Variants in GNA14 observed in about 807,000 individuals in gnomAD.
The protein encoded by GNA14 is guanine nucleotide-binding protein subunit alpha-14.
In GNA14, 50 loss-of-function variants were observed where a neutral mutation model predicts 42.0. That is an observed-to-expected ratio of 1.19 (90% CI 0.95 to 1.51). GNA14 has a LOEUF of 1.51. GNA14 is among the 40% of genes most tolerant of loss of function. The pLI is 0.00. For synonymous variants in GNA14, 173 were observed against 163.1 expected, an observed-to-expected ratio of 1.06 and a Z score of -0.46; for missense variants, 473 against 446.2, an observed-to-expected ratio of 1.06 and a Z score of -0.54.
chr9:77,599,498 T>C (rs551831909), intron 1 of GNA14, among the ~76,000 whole-genome samples: 12 of 152,200 alleles, frequency 7.9e-5, no homozygotes, highest in Non-Finnish European at 1.6e-4. Context: ...TTCTGAGCAG[T>C]AACCTTTTTC....
At position 77,647,752 on chromosome 9, in the gene GNA14, C is replaced by A. The variant is rs1824383061; in HGVS notation, c.42G>T (p.Ser14=). 1.2e-6 allele frequency: 2 copies of A among 1,609,922 alleles called. No individual in the cohort carries two copies. The highest frequency in any genetic ancestry group is 1.3e-5 in the African/African-American group (1 of 74,904). ...CCCLSAEEKE[S]QRISAEIERQ... ...GCTCGATCTCCGCGCTGATGCGCTG[C>A]GACTCCTTCTCCTCCGCGGACAGGC... The change falls in exon 1 of 7, where the codon TCG becomes TCT. Residue 14 remains serine (S), a synonymous_variant. Coordinates refer to ENST00000341700, the MANE Select transcript of GNA14 (RefSeq NM_004297.4).
chr9:77,435,719 T>C (rs888939659), intron 2 of GNA14, among the ~76,000 whole-genome samples: 1 of 152,190 alleles, frequency 6.6e-6, no homozygotes, highest in Non-Finnish European at 1.5e-5. Flanking sequence ...AATGGGAGGC[T>C]AGCATGAGCC....
At chr9:77,611,749 G>A (rs1028802830) in intron 1 of GNA14, among the ~76,000 whole-genome samples, 3 of 152,134 alleles carry the variant, frequency 2.0e-5, no homozygotes, top group African/African-American at 7.2e-5. Context: ...TCTGCTGTTG[G>A]TGGGTTTGAG....
chr9:77,491,249 A>C (rs1053073992), intron 2 of GNA14, among the ~76,000 whole-genome samples: 4 of 152,256 alleles, frequency 2.6e-5, no homozygotes, highest in African/African-American at 9.6e-5. Flanking sequence ...TAACATGCAA[A>C]AAGGAAACAT....
chr9:77,638,782 T>G (rs1286013414), intron 1 of GNA14, among the ~76,000 whole-genome samples: 2 of 152,190 alleles, frequency 1.3e-5, no homozygotes, highest in African/African-American at 2.4e-5. Context: ...AAGAGGACAC[T>G]GCAATAACGC....
chr9:77,646,971 G>A (rs1475156715), intron 1 of GNA14, among the ~76,000 whole-genome samples: 1 of 152,202 alleles, frequency 6.6e-6, no homozygotes. Flanking sequence ...GACACACTGA[G>A]TCAAGCTGGG....
chr9:77,582,806 A>T (rs1823245435), intron 1 of GNA14, among the ~76,000 whole-genome samples: 2 of 152,148 alleles, frequency 1.3e-5, no homozygotes, highest in Non-Finnish European at 2.9e-5. Flanking sequence ...ATAGGTCTGT[A>T]TATCTGTATT....
intron 1 of GNA14, among the ~76,000 whole-genome samples, chr9:77,633,526 A>C (rs1012970929): frequency 2.6e-5 from 4 of 152,192 alleles, no homozygotes; most frequent in African/African-American, 4.8e-5. Context: ...CTAAGCAGAA[A>C]AACAACAATC....
intron 1 of GNA14, among the ~76,000 whole-genome samples, chr9:77,630,916 C>T (rs2118004692): frequency 6.6e-6 from 1 of 152,298 alleles, no homozygotes; most frequent in East Asian, 1.9e-4. Context: ...CCCACAGCAT[C>T]ATCCTATACC....
At chr9:77,578,358 G>A (rs959560220) in intron 1 of GNA14, among the ~76,000 whole-genome samples, 1 of 152,132 alleles carries the variant, frequency 6.6e-6, no homozygotes, top group African/African-American at 2.4e-5. Context: ...CTGCATCAGT[G>A]GCCCTGTGAT....
chr9:77,642,559 A>T (rs1824283841), intron 1 of GNA14, among the ~76,000 whole-genome samples: 1 of 152,148 alleles, frequency 6.6e-6, no homozygotes, highest in Admixed American at 6.5e-5. Context: ...TGAGGTCAGG[A>T]GTTTGAGACC....
At chr9:77,610,752 T>C (rs1823717279) in intron 1 of GNA14, among the ~76,000 whole-genome samples, 1 of 152,206 alleles carries the variant, frequency 6.6e-6, no homozygotes, top group Non-Finnish European at 1.5e-5. Flanking sequence ...ATTTCTGTTA[T>C]AATATTACAG....
chr9:77,518,758 G>A (rs930995091), intron 2 of GNA14, among the ~76,000 whole-genome samples: 14 of 152,158 alleles, frequency 9.2e-5, no homozygotes, highest in African/African-American at 3.1e-4. Flanking sequence ...CCCACACACA[G>A]AAGCAAATAA....
At chr9:77,603,956 CAAAAAAAAAAAA>C (rs67044542) in intron 1 of GNA14, among the ~76,000 whole-genome samples, 7 of 81,608 alleles carry the variant, frequency 8.6e-5, no homozygotes, top group Admixed American at 1.8e-4. Flanking sequence ...AAAAAAAAAA[CAAAAAAAAAAAA>C]AAAAAAAAAA....
At chr9:77,637,935 GCAAAA>G (rs2118024079) in intron 1 of GNA14, among the ~76,000 whole-genome samples, 1 of 152,244 alleles carries the variant, frequency 6.6e-6, no homozygotes, top group South Asian at 2.1e-4. Flanking sequence ...GGTTTTATAT[GCAAAA>G]GTTTATTCTG....
At chr9:77,619,185 A>C (rs1250425929) in intron 1 of GNA14, among the ~76,000 whole-genome samples, 1 of 152,014 alleles carries the variant, frequency 6.6e-6, no homozygotes, top group Non-Finnish European at 1.5e-5. Context: ...ACGTCAACCC[A>C]GCCAGGCATT....
At chr9:77,451,418 T>C (rs1437792898) in intron 2 of GNA14, among the ~76,000 whole-genome samples, 1 of 152,142 alleles carries the variant, frequency 6.6e-6, no homozygotes, top group African/African-American at 2.4e-5. Context: ...TCTAAAGCAA[T>C]CATTGTAACT....
At chr9:77,444,750 G>C (rs1348011334) in intron 2 of GNA14, among the ~76,000 whole-genome samples, 2 of 152,110 alleles carry the variant, frequency 1.3e-5, no homozygotes, top group Non-Finnish European at 2.9e-5. Context: ...TGACACACAA[G>C]AGCTTCCATT....
At chr9:77,613,322 T>G (rs1304760230) in intron 1 of GNA14, among the ~76,000 whole-genome samples, 1 of 152,204 alleles carries the variant, frequency 6.6e-6, no homozygotes, top group Non-Finnish European at 1.5e-5. Flanking sequence ...CACACTTAGA[T>G]GTAGAATCTA....
Sources: allele counts gnomAD v4.1 joint callset (sites outside exome capture counted in the v4.1 genomes callset), GRCh38; gene constraint gnomAD v4.1.1; transcripts MANE v1.5; gene names NCBI Gene and HGNC (gene_info 2026-07-23, HGNC 2026-07-21).